Variants in PARD3B observed in about 807,000 individuals in gnomAD.
PARD3B encodes partitioning defective 3 homolog B.
In PARD3B, 103 loss-of-function variants were observed where a neutral mutation model predicts 130.2. The observed-to-expected ratio is 0.79, with a 90% CI of 0.67 to 0.93. The LOEUF is 0.93. PARD3B is among the 40% of genes least tolerant of loss of function. The pLI is 0.00. For synonymous variants in PARD3B, 583 were observed against 553.2 expected, an observed-to-expected ratio of 1.05 and a Z score of -0.76; for missense variants, 1,609 against 1,499.2, an observed-to-expected ratio of 1.07 and a Z score of -1.21.
chr2:204,870,761 A>G (rs2045600562), intron 2 of PARD3B, among the ~76,000 whole-genome samples: 1 of 152,182 alleles, frequency 6.6e-6, no homozygotes, highest in South Asian at 2.1e-4. Flanking sequence ...AAAGTGAAGA[A>G]AGAGGTGCAC....
chr2:205,058,741 T>A (rs2125449349), intron 4 of PARD3B, among the ~76,000 whole-genome samples: 2 of 152,172 alleles, frequency 1.3e-5, no homozygotes, highest in South Asian at 4.1e-4. Flanking sequence ...TGTATCTTCT[T>A]TGGGAAACTG....
Position 204,669,101 on chromosome 2 carries a change from A to C in PARD3B, c.121-17080A>C, listed in dbSNP as rs2125201495. 6.6e-6 allele frequency among the ~76,000 whole-genome samples: 1 copy of C among 152,342 alleles called. No individual in the cohort carries two copies. Among genetic ancestry groups the C allele is most frequent in the East Asian group, 1.9e-4 (1 of 5,188 alleles). On this transcript the variant is annotated intron_variant, in intron 1 of 22. Transcript: ENST00000406610. The surrounding 1 kb of genome is among the most constrained non-coding windows in gnomAD (Gnocchi z 4.3). ...GATCCACGCCTGACTTCAGGCCTGC[A>C]GAATTAGAAGATAATAAATCAGTGT... is the stretch of plus-strand genomic sequence containing the variant.
chr2:204,609,909 T>G (rs1460636664), intron 1 of PARD3B, among the ~76,000 whole-genome samples: 1 of 152,164 alleles, frequency 6.6e-6, no homozygotes, highest in African/African-American at 2.4e-5. Flanking sequence ...GAAGGCTTTA[T>G]AGGGTCATTT....
intron 2 of PARD3B, among the ~76,000 whole-genome samples, chr2:204,830,872 G>A (rs1235982759): frequency 6.6e-6 from 1 of 152,108 alleles, no homozygotes; most frequent in East Asian, 1.9e-4. Context: ...TGTCCCATTA[G>A]GTCTCTGATA....
intron 10 of PARD3B, among the ~76,000 whole-genome samples, chr2:205,137,568 C>G (rs73982708): frequency 6.6e-6 from 1 of 152,196 alleles, no homozygotes; most frequent in Admixed American, 6.5e-5. Flanking sequence ...AACTACCCAC[C>G]ACTTTAAGAG....
At chr2:204,789,560 T>A (rs915815663) in intron 2 of PARD3B, among the ~76,000 whole-genome samples, 3 of 152,224 alleles carry the variant, frequency 2.0e-5, no homozygotes, top group Non-Finnish European at 2.9e-5. Flanking sequence ...AGGAAAGTGA[T>A]GTCATGAAGG....
chr2:205,142,404 G>A lies in PARD3B; in HGVS notation c.1435-16318G>A, dbSNP rs914273781. Among the ~76,000 whole-genome samples, 2 of 152,060 alleles carry A rather than the reference G, an allele frequency of 1.3e-5. No homozygotes were observed. The highest frequency in any genetic ancestry group is 4.8e-5 in the African/African-American group (2 of 41,410). ...AAGACATAGTAGTCGCTTTTGGGAG[G>A]GAACTTAAATACAATTTCAAAGAGG... On this transcript the variant is annotated intron_variant, in intron 10 of 22. Transcript: ENST00000406610. The surrounding 1 kb of genome is among the most constrained non-coding windows in gnomAD (Gnocchi z 4.3).
chr2:204,692,989 G>C (rs2037427663), intron 2 of PARD3B, among the ~76,000 whole-genome samples: 1 of 152,004 alleles, frequency 6.6e-6, no homozygotes, highest in Non-Finnish European at 1.5e-5. Flanking sequence ...CTAGGATGCT[G>C]ATAACATCTC....
At chr2:205,358,684 C>T (rs1245451629) in intron 18 of PARD3B, among the ~76,000 whole-genome samples, 1 of 152,154 alleles carries the variant, frequency 6.6e-6, no homozygotes, top group African/African-American at 2.4e-5. Flanking sequence ...TATTCTTACC[C>T]AGTTCTCTCT....
At chr2:204,588,485 T>G (rs2032932689) in intron 1 of PARD3B, among the ~76,000 whole-genome samples, 1 of 152,174 alleles carries the variant, frequency 6.6e-6, no homozygotes, top group Non-Finnish European at 1.5e-5. Flanking sequence ...TTCCCCCCAC[T>G]TTGATATGCA....
At chr2:205,197,030 G>GT (rs1553636899) in intron 15 of PARD3B, among the ~76,000 whole-genome samples, 303 of 16,888 alleles carry the variant, frequency 0.018, no homozygotes, top group Admixed American at 0.019. Flanking sequence ...CTGTGGGGGG[G>GT]GGGTGTGTGT....
At chr2:204,861,771 G>A (rs2045213385) in intron 2 of PARD3B, among the ~76,000 whole-genome samples, 1 of 151,910 alleles carries the variant, frequency 6.6e-6, no homozygotes, top group South Asian at 2.1e-4. Context: ...CAAGAGGGAA[G>A]CATGCAGATA....
intron 15 of PARD3B, among the ~76,000 whole-genome samples, chr2:205,223,624 AACC>A (rs1424129763): frequency 1.4e-5 from 2 of 147,608 alleles, no homozygotes; most frequent in African/African-American, 2.7e-5. Context: ...TATTCAAAAA[AACC>A]AACCAACCAA....
intron 3 of PARD3B, among the ~76,000 whole-genome samples, chr2:204,966,238 G>A (rs1691235133): frequency 6.6e-6 from 1 of 152,148 alleles, no homozygotes; most frequent in Non-Finnish European, 1.5e-5. Flanking sequence ...CTCTAATGCT[G>A]ACAATCCATA....
chr2:204,936,352 C>A (rs1688455710), intron 2 of PARD3B, among the ~76,000 whole-genome samples: 1 of 152,158 alleles, frequency 6.6e-6, no homozygotes, highest in African/African-American at 2.4e-5. Flanking sequence ...CAGTACATTA[C>A]TTATAAATAA....
At chr2:205,384,855 T>G (rs937225450) in intron 18 of PARD3B, among the ~76,000 whole-genome samples, 1 of 152,112 alleles carries the variant, frequency 6.6e-6, no homozygotes, top group Non-Finnish European at 1.5e-5. Context: ...AGATCATCTA[T>G]AGAACTCCTG....
intron 22 of PARD3B, among the ~76,000 whole-genome samples, chr2:205,611,927 C>A (rs2055245086): frequency 6.6e-6 from 1 of 152,144 alleles, no homozygotes; most frequent in Non-Finnish European, 1.5e-5. Context: ...CCTAAGGAAG[C>A]TGCCCCTGGA....
Position 205,160,762 on chromosome 2 carries a change from A to G in PARD3B, c.1620+1855A>G, listed in dbSNP as rs545342912. Among the ~76,000 whole-genome samples the G allele has an allele frequency of 2.6e-5, 4 of 152,340 alleles. No homozygotes were observed. The highest frequency in any genetic ancestry group is 2.0e-4 in the Admixed American group (3 of 15,304). On this transcript the variant is annotated intron_variant, in intron 11 of 22. Coordinates refer to ENST00000406610, the MANE Select transcript of PARD3B (RefSeq NM_001302769.2). The surrounding 1 kb of genome is among the most constrained non-coding windows in gnomAD (Gnocchi z 4.0). ...GTTATCTAACTTTATTCACATTTACATTGGATTATTTTCAGTCCATTTTAT... is the reference window on the plus strand; with the variant it reads ...GTTATCTAACTTTATTCACATTTACGTTGGATTATTTTCAGTCCATTTTAT...
rs2041991664 is a variant in PARD3B, at chr2:205,301,400, T to C, written c.2393-64T>C. On this transcript the variant is annotated intron_variant, in intron 17 of 22. Transcript: ENST00000406610. This position sits in a 1 kb window ranked among gnomAD's most constrained non-coding sequence, Gnocchi z 5.2. Reference sequence around the variant, plus strand: ...TTCTTTTGCATTTTACATGTTAGCGTTTCTCTGTATACTAACTGAGTGTGC... The same window carrying C: ...TTCTTTTGCATTTTACATGTTAGCGCTTCTCTGTATACTAACTGAGTGTGC... 3 of 1,549,460 alleles carry C rather than the reference T, an allele frequency of 1.9e-6. No homozygotes were observed. The African/African-American group carries it at 4.2e-5, about 21-fold the overall frequency.
Sources: allele counts gnomAD v4.1 joint callset (sites outside exome capture counted in the v4.1 genomes callset), GRCh38; gene constraint gnomAD v4.1.1; non-coding constraint Gnocchi (gnomAD v3.1); transcripts MANE v1.5; gene names NCBI Gene and HGNC (gene_info 2026-07-23, HGNC 2026-07-21).